Variants in CEP128 observed in about 807,000 individuals in gnomAD.
CEP128 encodes centrosomal protein 128kDa.
Under a neutral mutation model 156.7 loss-of-function variants are expected in CEP128, and 132 were observed. The observed-to-expected ratio is 0.84, with a 90% CI of 0.73 to 0.97. CEP128 has a LOEUF of 0.97. Ranked by LOEUF, CEP128 falls within the 50% of genes least tolerant of loss-of-function variation. The pLI, the probability that CEP128 is intolerant of heterozygous loss-of-function variation, is 0.00. For synonymous variants in CEP128, 469 were observed against 448.9 expected (o/e 1.04, Z -0.57); for missense variants, 1,252 against 1,281.9 (o/e 0.98, Z 0.36).
chr14:80,819,226 C>T (rs1306113320), intron 13 of CEP128, among the ~76,000 whole-genome samples: 3 of 147,318 alleles, frequency 2.0e-5, no homozygotes, highest in African/African-American at 7.6e-5. Flanking sequence ...CAAGCCAGCT[C>T]TCTGGCATCT....
At chr14:80,526,405 G>A (rs575897366) in intron 23 of CEP128, among the ~76,000 whole-genome samples, 3 of 152,060 alleles carry the variant, frequency 2.0e-5, no homozygotes, top group South Asian at 2.1e-4. Context: ...CTGGCTCCAC[G>A]GTAATAAACC....
At chr14:80,654,305 T>C (rs1453883237) in intron 19 of CEP128, among the ~76,000 whole-genome samples, 1 of 152,112 alleles carries the variant, frequency 6.6e-6, no homozygotes, top group Non-Finnish European at 1.5e-5. Context: ...AATATATCTA[T>C]AGTGACTCTG....
chr14:80,522,938 T>C (rs1888809177), intron 23 of CEP128, among the ~76,000 whole-genome samples: 3 of 152,236 alleles, frequency 2.0e-5, no homozygotes. Flanking sequence ...TAAGACAATA[T>C]TACATTATGC....
At chr14:80,748,006 G>A (rs997933429) in intron 18 of CEP128, among the ~76,000 whole-genome samples, 3 of 152,122 alleles carry the variant, frequency 2.0e-5, no homozygotes. Flanking sequence ...CTAAATTAAC[G>A]AATTGTATGA....
intron 18 of CEP128, among the ~76,000 whole-genome samples, chr14:80,746,395 A>T (rs1160677852): frequency 6.6e-6 from 1 of 152,232 alleles, no homozygotes; most frequent in Non-Finnish European, 1.5e-5. Flanking sequence ...ACAGATATAC[A>T]GACCGATGGA....
intron 19 of CEP128, among the ~76,000 whole-genome samples, chr14:80,669,609 A>G (rs1895758485): frequency 6.6e-6 from 1 of 152,244 alleles, no homozygotes; most frequent in South Asian, 2.1e-4. Context: ...TAAAACCACA[A>G]TAACATACCA....
chr14:80,565,402 C>G (rs1421844477), intron 20 of CEP128, among the ~76,000 whole-genome samples: 2 of 152,138 alleles, frequency 1.3e-5, no homozygotes, highest in African/African-American at 4.8e-5. Flanking sequence ...GCCAAATTAT[C>G]TTTAAAAACT....
In CEP128 at chr14:80,868,201, T is replaced by A. The variant is rs150427754; in HGVS notation, c.646-5328A>T. ...CATAAAAGCATATGAAAGCATAAAA[T>A]TCACTGTAAAAGTATGAATATACTC... On this transcript the variant is annotated intron_variant, in intron 8 of 24. Transcript: ENST00000555265. 8.3e-3 allele frequency among the ~76,000 whole-genome samples: 1,261 copies of A among 152,224 alleles called. 17 individuals carry two copies. The highest frequency in any genetic ancestry group is 0.029 in the African/African-American group (1,218 of 41,542).
chr14:80,563,659 G>A (rs9323689), intron 20 of CEP128, among the ~76,000 whole-genome samples: 5,085 of 148,754 alleles, frequency 0.034, 304 homozygotes, highest in African/African-American at 0.12. Context: ...TCAGGCTCCC[G>A]AGTAGCTGGG....
chr14:80,725,427 C>T (rs1017027661), intron 19 of CEP128, among the ~76,000 whole-genome samples: 24 of 152,154 alleles, frequency 1.6e-4, no homozygotes, highest in Non-Finnish European at 3.1e-4. Flanking sequence ...AAGTGATCTG[C>T]CCGCCTCAGC....
At chr14:80,763,694 T>G (rs970497683) in intron 16 of CEP128, among the ~76,000 whole-genome samples, 1 of 152,174 alleles carries the variant, frequency 6.6e-6, no homozygotes, top group African/African-American at 2.4e-5. Context: ...CCAAATAAAC[T>G]GTTAATTTCA....
chr14:80,820,317 T>C (rs2139993115), intron 13 of CEP128, among the ~76,000 whole-genome samples: 1 of 152,344 alleles, frequency 6.6e-6, no homozygotes, highest in South Asian at 2.1e-4. Context: ...CTAGACACTG[T>C]ATATGACAAA....
intron 23 of CEP128, among the ~76,000 whole-genome samples, chr14:80,514,119 A>G (rs1290569583): frequency 6.6e-6 from 1 of 152,170 alleles, no homozygotes; most frequent in Non-Finnish European, 1.5e-5. Context: ...CCAATTGTCA[A>G]CCAGAAAATG....
At position 80,797,030 on chromosome 14, in the gene CEP128, T is replaced by A. The variant is rs377303035; in HGVS notation, c.1210-3920A>T. On this transcript the variant is annotated intron_variant, in intron 13 of 24. Transcript: ENST00000555265. ...AGGAAAAGAGGAAATGAACAACTGA[T>A]AGATGTCTAAAAGATAACAAACAGA... Among the ~76,000 whole-genome samples, 4 of 152,278 alleles carry A rather than the reference T, an allele frequency of 2.6e-5. No individual in the cohort carries two copies. The East Asian group carries it at 5.8e-4, about 22-fold the overall frequency.
Position 80,908,007 on chromosome 14 carries a change from C to T in CEP128, c.235-1926G>A, listed in dbSNP as rs1251716281. 2.6e-5 allele frequency among the ~76,000 whole-genome samples: 4 copies of T among 152,258 alleles called. No homozygotes were observed. In the East Asian group the frequency reaches 7.7e-4, roughly 29 times the overall value. ...GTGTTTATTATTTCCATCTTTCAAG[C>T]TAAACTCAATTTCAGTATCCTTTTG... On this transcript the variant is annotated intron_variant, in intron 4 of 24. Transcript: ENST00000555265.
intron 4 of CEP128, among the ~76,000 whole-genome samples, chr14:80,910,960 G>T (rs1038425436): frequency 6.6e-6 from 1 of 152,148 alleles, no homozygotes; most frequent in Non-Finnish European, 1.5e-5. Flanking sequence ...AACTGTAGAT[G>T]CTTTTAGATT....
chr14:80,539,554 C>T (rs1192073422), intron 21 of CEP128, among the ~76,000 whole-genome samples: 1 of 152,178 alleles, frequency 6.6e-6, no homozygotes. Context: ...ACCACAGGAC[C>T]ACTGTGATAA....
At chr14:80,728,170 C>T (rs373284428) in intron 19 of CEP128, among the ~76,000 whole-genome samples, 22 of 152,258 alleles carry the variant, frequency 1.4e-4, no homozygotes, top group African/African-American at 4.6e-4. Flanking sequence ...ACTATGCAGC[C>T]ATAAGAAGGA....
Position 80,816,930 on chromosome 14 carries a change from A to G in CEP128, c.1209+14213T>C, listed in dbSNP as rs200327582. On this transcript the variant is annotated intron_variant, in intron 13 of 24. Transcript: ENST00000555265. ...AGGTCAACTTTAATTAAGTTAGACT[A>G]TGGCACAATGTATGTGCTACGTTAT... Among the ~76,000 whole-genome samples, 4 of 151,182 alleles carry G rather than the reference A, an allele frequency of 2.6e-5. No individual in the cohort carries two copies. In the East Asian group the frequency reaches 7.8e-4, roughly 30 times the overall value.
Sources: gnomAD v4.1 joint callset for allele counts (sites outside exome capture counted in the v4.1 genomes callset) on GRCh38, gnomAD v4.1.1 for gene constraint, MANE v1.5 for transcripts, NCBI Gene and HGNC (gene_info 2026-07-23, HGNC 2026-07-21) for gene names.